The following ANO10 variants were observed in gnomAD, a reference collection of about 807,000 sequenced individuals.
The protein encoded by ANO10 is anoctamin-10.
In ANO10, 77 loss-of-function variants were observed where a neutral mutation model predicts 74.7. The ratio of observed to expected loss-of-function variants is 1.03; its 90% CI spans 0.86 to 1.25. The LOEUF is 1.25. Ranked by LOEUF, ANO10 falls within the 50% of genes most tolerant of loss-of-function variation. The probability of loss-of-function intolerance (pLI) is 0.00; values close to 1 mark genes in which losing one functional copy is unlikely to be tolerated. For missense variants in ANO10, 721 were observed against 778.1 expected, an observed-to-expected ratio of 0.93 and a Z score of 0.87; for synonymous variants, 279 against 284.9, an observed-to-expected ratio of 0.98 and a Z score of 0.21.
chr3:43,368,248 AG>A (rs2091477212), intron 12 of ANO10, among the ~76,000 whole-genome samples: 1 of 152,082 alleles, frequency 6.6e-6, no homozygotes, highest in Admixed American at 6.5e-5. Context: ...TTGATGAGAA[AG>A]GGGGCTACGG....
chr3:43,580,320 CTCT>C, intron 5 of ANO10, 30 bp downstream of exon 5: 1 of 1,612,980 alleles, frequency 6.2e-7, no homozygotes, highest in Non-Finnish European at 8.5e-7. Flanking sequence ...AGAGGCCTTC[CTCT>C]TCTTTAAGAG....
intron 1 of ANO10, among the ~76,000 whole-genome samples, chr3:43,647,425 AAGAG>A (rs1173891064): frequency 6.6e-6 from 1 of 151,980 alleles, no homozygotes; most frequent in Non-Finnish European, 1.5e-5. Flanking sequence ...TCAGCTCCAG[AAGAG>A]AGAGTGAATT....
chr3:43,469,038 C>CTTTTTTTTTT (rs371985258), intron 11 of ANO10, among the ~76,000 whole-genome samples: 2 of 70,338 alleles, frequency 2.8e-5, no homozygotes, highest in Non-Finnish European at 4.9e-5. Context: ...CAATTAGCTG[C>CTTTTTTTTTT]TTTTTTTTTT....
At position 43,612,097 on chromosome 3, in the gene ANO10, C is replaced by A. The variant is rs184853542; in HGVS notation, c.-11-6234G>T. On this transcript the variant is annotated intron_variant, in intron 1 of 12. Coordinates refer to ENST00000292246, the MANE Select transcript of ANO10 (RefSeq NM_018075.5). ...ACTATCTGCAAAAATATGCCCAAAT[C>A]ATTCCTCCTTTAAGTGCAGTGGAAT... is the stretch of plus-strand genomic sequence containing the variant. 8.3e-5 allele frequency among the ~76,000 whole-genome samples: 12 copies of A among 144,106 alleles called. No homozygotes were observed. The East Asian group carries it at 1.7e-3, about 20-fold the overall frequency. The allele number at this position is 144,106 out of a possible 152,430, so 94.5% of individuals were successfully genotyped here.
intron 12 of ANO10, among the ~76,000 whole-genome samples, chr3:43,367,594 G>C (rs2091457069): frequency 6.6e-6 from 1 of 152,206 alleles, no homozygotes; most frequent in South Asian, 2.1e-4. Flanking sequence ...CGTCAAGATA[G>C]AGGTGCCCTC....
intron 11 of ANO10, 118 bp from the exon 12 acceptor site, chr3:43,432,845 T>C: frequency 1.3e-6 from 1 of 775,722 alleles, no homozygotes; most frequent in East Asian, 2.7e-5. Flanking sequence ...TTTCTAAGTA[T>C]TGGCCTGTGA....
intron 12 of ANO10, among the ~76,000 whole-genome samples, chr3:43,404,791 G>C (rs1166662305): frequency 3.5e-5 from 5 of 144,492 alleles, no homozygotes; most frequent in Non-Finnish European, 7.4e-5. Context: ...GGCTGAGATG[G>C]AAGATCATTT....
chr3:43,648,639 C>T (rs1366727057), intron 1 of ANO10, among the ~76,000 whole-genome samples: 3 of 146,474 alleles, frequency 2.0e-5, no homozygotes, highest in Non-Finnish European at 4.5e-5. Flanking sequence ...AGGTCACTCT[C>T]GTGGCCTTCT....
At chr3:43,577,687 C>T (rs1382642771) in intron 5 of ANO10, among the ~76,000 whole-genome samples, 2 of 152,144 alleles carry the variant, frequency 1.3e-5, no homozygotes, top group African/African-American at 4.8e-5. Flanking sequence ...TTCTTTTTGA[C>T]GAAGACTCCC....
At chr3:43,687,628 G>C (rs2084291687) in intron 1 of ANO10, among the ~76,000 whole-genome samples, 1 of 152,174 alleles carries the variant, frequency 6.6e-6, no homozygotes, top group Non-Finnish European at 1.5e-5. Context: ...CATCTGATTG[G>C]AGAGTACAAA....
chr3:43,428,303 G>A (rs1321190232), intron 12 of ANO10, among the ~76,000 whole-genome samples: 1 of 151,946 alleles, frequency 6.6e-6, no homozygotes. Flanking sequence ...ACCCACCTCG[G>A]TCTCCCAAAG....
At chr3:43,684,134 T>C (rs1198742984) in intron 1 of ANO10, among the ~76,000 whole-genome samples, 5 of 151,684 alleles carry the variant, frequency 3.3e-5, no homozygotes, top group South Asian at 4.2e-4. Flanking sequence ...ACCATTAGAG[T>C]GAACAGGCAA....
intron 1 of ANO10, among the ~76,000 whole-genome samples, chr3:43,683,127 G>A (rs1044113482): frequency 9.2e-5 from 14 of 152,204 alleles, no homozygotes. Flanking sequence ...ATTAGGAAAA[G>A]AGGAAGTCTA....
chr3:43,657,641 C>T (rs144181006), intron 1 of ANO10, among the ~76,000 whole-genome samples: 23 of 152,294 alleles, frequency 1.5e-4, no homozygotes, highest in Non-Finnish European at 2.6e-4. Flanking sequence ...ATCTGACTGG[C>T]GGCATCTGCC....
intron 11 of ANO10, among the ~76,000 whole-genome samples, chr3:43,515,909 G>T (rs2077691488): frequency 6.6e-6 from 1 of 152,134 alleles, no homozygotes; most frequent in African/African-American, 2.4e-5. Context: ...TAAACTTAAG[G>T]AATCTACTCC....
chr3:43,677,484 G>A (rs1019572245), intron 1 of ANO10, among the ~76,000 whole-genome samples: 9 of 152,202 alleles, frequency 5.9e-5, no homozygotes, highest in Admixed American at 4.6e-4. Context: ...TCAATGCATC[G>A]TGTGAAGGTG....
At chr3:43,618,958 T>C (rs1013789767) in intron 1 of ANO10, among the ~76,000 whole-genome samples, 1 of 152,178 alleles carries the variant, frequency 6.6e-6, no homozygotes, top group Non-Finnish European at 1.5e-5. Context: ...TCCGCCACCA[T>C]GCTCGGCTAA....
chr3:43,655,387 G>A (rs572022024), intron 1 of ANO10, among the ~76,000 whole-genome samples: 1 of 152,222 alleles, frequency 6.6e-6, no homozygotes, highest in Non-Finnish European at 1.5e-5. Context: ...CCTTGGCGGT[G>A]AGTGTTACAG....
Position 43,366,946 on chromosome 3 carries a change from T to A in ANO10, c.1943A>T (p.Lys648Met), listed in dbSNP as rs1347290519. 2 of 1,602,000 alleles carry A rather than the reference T, an allele frequency of 1.2e-6. No individual in the cohort carries two copies. Among genetic ancestry groups the A allele is most frequent in the Non-Finnish European group, 1.7e-6 (2 of 1,174,292 alleles). The change falls in exon 13 of 13, where the codon AAG becomes ATG. Residue 648 changes from lysine (K) to methionine (M), a missense_variant. Coordinates refer to ENST00000292246, the MANE Select transcript of ANO10 (RefSeq NM_018075.5). ...CTTCCCGCTTTCCATTGGTTCCTCC[T>A]TCAGGTTCTCGGTCACGAGCTTCAT... is the stretch of plus-strand genomic sequence containing the variant. ...QQMKLVTENL[K>M]EEPMESGKEK... is the part of the protein sequence containing the mutation.
Sources: gnomAD v4.1 joint callset for allele counts (sites outside exome capture counted in the v4.1 genomes callset) on GRCh38, gnomAD v4.1.1 for gene constraint, MANE v1.5 for transcripts, NCBI Gene and HGNC (gene_info 2026-07-23, HGNC 2026-07-21) for gene names.